The following DPP10 variants were observed in gnomAD, a reference collection of about 807,000 sequenced individuals.
DPP10 encodes the protein inactive dipeptidyl peptidase 10.
A neutral mutation model predicts 120.9 loss-of-function variants in DPP10; 33 were observed. That is an observed-to-expected ratio of 0.27 (90% CI 0.21 to 0.37). The LOEUF is 0.37. Ranked by LOEUF, DPP10 falls within the 10% of genes least tolerant of loss-of-function variation. The pLI is 1.00. For synonymous variants in DPP10, 337 were observed against 326.1 expected (o/e 1.03, Z -0.36); for missense variants, 816 against 942.8 (o/e 0.87, Z 1.76).
chr2:115,737,966 A>G (rs9308717), intron 8 of DPP10, among the ~76,000 whole-genome samples: 81,376 of 151,970 alleles, frequency 0.54, 22,794 homozygotes, highest in East Asian at 0.72. Context: ...CTCTGTCAGC[A>G]AGAAGATTTG....
intron 1 of DPP10, among the ~76,000 whole-genome samples, chr2:115,168,099 C>T (rs1347456762): frequency 6.6e-6 from 1 of 152,024 alleles, no homozygotes; most frequent in Non-Finnish European, 1.5e-5. Context: ...ACCCAGGGTG[C>T]ATGTCCCTAC....
At chr2:115,313,019 C>T (rs564996776) in intron 2 of DPP10, among the ~76,000 whole-genome samples, 8 of 152,078 alleles carry the variant, frequency 5.3e-5, no homozygotes, top group African/African-American at 1.4e-4. Context: ...GTCTGGAGTT[C>T]GAGACCATCC....
chr2:115,061,035 G>A (rs1706359346), intron 1 of DPP10, among the ~76,000 whole-genome samples: 2 of 152,108 alleles, frequency 1.3e-5, no homozygotes, highest in Non-Finnish European at 2.9e-5. Flanking sequence ...CAATTAACCA[G>A]AGTCTCTTGG....
intron 19 of DPP10, among the ~76,000 whole-genome samples, chr2:115,804,661 C>A (rs1289611972): frequency 6.6e-6 from 1 of 152,186 alleles, no homozygotes; most frequent in Non-Finnish European, 1.5e-5. Context: ...TCAGGACCCT[C>A]AGCTGCAGGT....
intron 5 of DPP10, among the ~76,000 whole-genome samples, chr2:115,664,518 A>C (rs1161172448): frequency 6.6e-6 from 1 of 151,754 alleles, no homozygotes; most frequent in Non-Finnish European, 1.5e-5. Flanking sequence ...CTAGTACTAT[A>C]TTGAGAAAAA....
intron 1 of DPP10, among the ~76,000 whole-genome samples, chr2:115,292,802 C>T (rs1559376356): frequency 1.3e-5 from 2 of 152,118 alleles, no homozygotes; most frequent in Non-Finnish European, 2.9e-5. Context: ...AGGATCTGAG[C>T]ATTGTCCCAT....
intron 1 of DPP10, among the ~76,000 whole-genome samples, chr2:115,291,425 A>G: frequency 6.6e-6 from 1 of 152,142 alleles, no homozygotes; most frequent in East Asian, 1.9e-4. Flanking sequence ...ACTAACCAAC[A>G]TAACATATTG....
At chr2:114,694,172 A>G (rs1348279278) in intron 1 of DPP10, among the ~76,000 whole-genome samples, 1 of 151,910 alleles carries the variant, frequency 6.6e-6, no homozygotes, top group African/African-American at 2.4e-5. Context: ...AATTTTTAGA[A>G]TGAGAATAAT....
In DPP10 at chr2:115,784,007, A is replaced by G. The variant is rs575773498; in HGVS notation, c.1531+1608A>G. Among the ~76,000 whole-genome samples the G allele has an allele frequency of 5.1e-4, 78 of 152,288 alleles. No individual in the cohort carries two copies. In the South Asian group the frequency reaches 0.016, roughly 31 times the overall value. ...GGATGATTAAAAATTTTCCAATCTG[A>G]TTTTAATTTAATTTTATCCTGTTGT... On this transcript the variant is annotated intron_variant, in intron 17 of 25. Transcript: ENST00000410059.
At chr2:115,771,777 C>A (rs1056523461) in intron 13 of DPP10, among the ~76,000 whole-genome samples, 1 of 152,068 alleles carries the variant, frequency 6.6e-6, no homozygotes, top group Non-Finnish European at 1.5e-5. Flanking sequence ...CAGTACTTGG[C>A]GCTTACCTAT....
intron 1 of DPP10, among the ~76,000 whole-genome samples, chr2:114,933,919 C>T (rs1471636701): frequency 6.6e-6 from 1 of 152,166 alleles, no homozygotes; most frequent in African/African-American, 2.4e-5. Context: ...CTGAGAATTG[C>T]TGATCTAGAG....
chr2:115,774,755 C>A (rs1304503974), intron 13 of DPP10, among the ~76,000 whole-genome samples: 1 of 151,998 alleles, frequency 6.6e-6, no homozygotes, highest in African/African-American at 2.4e-5. Context: ...AAATACATAC[C>A]AATAAGACAG....
At chr2:115,330,375 T>G (rs1239247712) in intron 2 of DPP10, among the ~76,000 whole-genome samples, 9 of 151,264 alleles carry the variant, frequency 5.9e-5, no homozygotes, top group South Asian at 2.1e-4. Flanking sequence ...TTTCTCCCAT[T>G]CTGTAGGTTG....
At chr2:115,378,201 C>A (rs1435996045) in intron 3 of DPP10, among the ~76,000 whole-genome samples, 1 of 152,104 alleles carries the variant, frequency 6.6e-6, no homozygotes, top group East Asian at 1.9e-4. Context: ...AATGTCCTTC[C>A]ATTTGTTTGT....
At chr2:115,250,271 T>C (rs1035011732) in intron 1 of DPP10, among the ~76,000 whole-genome samples, 2 of 152,178 alleles carry the variant, frequency 1.3e-5, no homozygotes, top group Non-Finnish European at 2.9e-5. Flanking sequence ...ACAGACTCAT[T>C]ACCCAAGATC....
chr2:115,095,880 A>G (rs537411295), intron 1 of DPP10, among the ~76,000 whole-genome samples: 7 of 152,280 alleles, frequency 4.6e-5, no homozygotes, highest in African/African-American at 1.4e-4. Context: ...AAGTGGTGTA[A>G]TAGTAAAATT....
intron 5 of DPP10, among the ~76,000 whole-genome samples, chr2:115,618,311 G>A (rs990666238): frequency 5.9e-5 from 9 of 152,210 alleles, no homozygotes; most frequent in African/African-American, 2.2e-4. Context: ...AGTGCAATGT[G>A]TCAGTTGAGT....
intron 1 of DPP10, among the ~76,000 whole-genome samples, chr2:115,226,136 C>T (rs918834625): frequency 6.6e-6 from 1 of 152,076 alleles, no homozygotes; most frequent in African/African-American, 2.4e-5. Flanking sequence ...TCTCATTAGT[C>T]TGGATTGCAG....
intron 1 of DPP10, among the ~76,000 whole-genome samples, chr2:114,652,622 C>A (rs1012103834): frequency 6.6e-6 from 1 of 152,200 alleles, no homozygotes; most frequent in Non-Finnish European, 1.5e-5. Flanking sequence ...AAACACCTAT[C>A]TGAAGGTGTG....
Sources: gnomAD v4.1 joint callset for allele counts (sites outside exome capture counted in the v4.1 genomes callset) on GRCh38, gnomAD v4.1.1 for gene constraint, MANE v1.5 for transcripts, NCBI Gene and HGNC (gene_info 2026-07-23, HGNC 2026-07-21) for gene names.